The following DLG2 variants were observed in gnomAD, a reference collection of about 807,000 sequenced individuals.
The protein encoded by DLG2 is discs large MAGUK scaffold protein 2, also known as disks large homolog 2.
DLG2 carries 45 observed loss-of-function variants against 132.5 expected under a neutral mutation model. The ratio of observed to expected loss-of-function variants is 0.34; its 90% CI spans 0.27 to 0.44. DLG2 has a LOEUF of 0.44. DLG2 is among the 20% of genes least tolerant of loss of function. DLG2 has a pLI of 1.00. For missense variants in DLG2, 1,045 were observed against 1,196.9 expected, an observed-to-expected ratio of 0.87 and a Z score of 1.87; for synonymous variants, 424 against 419.6, an observed-to-expected ratio of 1.01 and a Z score of -0.13.
chr11:84,143,201 C>T (rs992970892), intron 9 of DLG2, among the ~76,000 whole-genome samples: 3 of 152,032 alleles, frequency 2.0e-5, no homozygotes, highest in Non-Finnish European at 4.4e-5. Flanking sequence ...AAGGTAGGCA[C>T]ATGTGAACAC....
At chr11:83,751,135 A>G (rs538623725) in intron 18 of DLG2, among the ~76,000 whole-genome samples, 1 of 152,232 alleles carries the variant, frequency 6.6e-6, no homozygotes, top group African/African-American at 2.4e-5. Context: ...AAAAGTTCTC[A>G]TGTGGAAGCT....
At chr11:85,025,329 C>T (rs1592870529) in intron 6 of DLG2, among the ~76,000 whole-genome samples, 1 of 152,310 alleles carries the variant, frequency 6.6e-6, no homozygotes, top group Non-Finnish European at 1.5e-5. Context: ...TGGCCTCAGG[C>T]TCTGACCAGA....
intron 6 of DLG2, among the ~76,000 whole-genome samples, chr11:84,740,392 A>C (rs2064442442): frequency 6.6e-6 from 1 of 152,128 alleles, no homozygotes; most frequent in Non-Finnish European, 1.5e-5. Flanking sequence ...GAAGAACCCC[A>C]CAGTTCTTCC....
intron 7 of DLG2, among the ~76,000 whole-genome samples, chr11:84,426,114 T>C (rs1030057309): frequency 1.3e-5 from 2 of 152,134 alleles, no homozygotes; most frequent in African/African-American, 4.8e-5. Context: ...AAGAGGAACT[T>C]AGCAGGTACT....
chr11:85,330,879 A>C (rs2081680901), intron 3 of DLG2, among the ~76,000 whole-genome samples: 1 of 151,960 alleles, frequency 6.6e-6, no homozygotes, highest in Non-Finnish European at 1.5e-5. Flanking sequence ...CTCATACATA[A>C]ACCCTTACTT....
At chr11:84,779,652 A>C (rs1005651111) in intron 6 of DLG2, among the ~76,000 whole-genome samples, 3 of 152,144 alleles carry the variant, frequency 2.0e-5, no homozygotes, top group Admixed American at 1.3e-4. Flanking sequence ...AACCAAGAGG[A>C]GAGAATAACC....
intron 6 of DLG2, among the ~76,000 whole-genome samples, chr11:85,073,414 T>C (rs905450903): frequency 6.6e-6 from 1 of 151,870 alleles, no homozygotes; most frequent in Non-Finnish European, 1.5e-5. Flanking sequence ...AAAATTGAAA[T>C]ACAAATATCC....
At chr11:85,094,606 G>A (rs2069413054) in intron 6 of DLG2, among the ~76,000 whole-genome samples, 1 of 152,188 alleles carries the variant, frequency 6.6e-6, no homozygotes, top group Non-Finnish European at 1.5e-5. Context: ...CTGCTAGCTT[G>A]CAACTTTTCC....
rs138179894 is a variant in DLG2 at position 84,703,718 on chromosome 11, T to C, written c.358-168987A>G. Among the ~76,000 whole-genome samples, 30 of 151,226 alleles carry C rather than the reference T, an allele frequency of 2.0e-4. 1 individual carries two copies. The East Asian group carries it at 4.7e-3, about 24-fold the overall frequency. On this transcript the variant is annotated intron_variant, in intron 6 of 27. Coordinates refer to ENST00000376104, the MANE Select transcript of DLG2 (RefSeq NM_001142699.3). ...TAAGCAAACTAGCCAAATCTTCAAT[T>C]TTGAAGATATTCTCAGTGAAAGTGT...
chr11:84,911,340 G>A (rs1169001991), intron 6 of DLG2, among the ~76,000 whole-genome samples: 1 of 151,594 alleles, frequency 6.6e-6, no homozygotes, highest in Non-Finnish European at 1.5e-5. Context: ...AACCTATCAA[G>A]TTTTTTACAA....
At chr11:85,367,976 T>G (rs1247513336) in intron 3 of DLG2, among the ~76,000 whole-genome samples, 2 of 152,174 alleles carry the variant, frequency 1.3e-5, no homozygotes, top group Non-Finnish European at 2.9e-5. Flanking sequence ...TGTATTTTCT[T>G]TTAGTGTTCA....
intron 17 of DLG2, among the ~76,000 whole-genome samples, chr11:83,789,734 G>A (rs889595864): frequency 6.6e-6 from 1 of 152,186 alleles, no homozygotes; most frequent in Non-Finnish European, 1.5e-5. Flanking sequence ...TTTTAGCAGA[G>A]ATGGGGTTTC....
chr11:84,596,879 T>A (rs1329462160), intron 6 of DLG2, among the ~76,000 whole-genome samples: 1 of 152,182 alleles, frequency 6.6e-6, no homozygotes, highest in Non-Finnish European at 1.5e-5. Context: ...ATGTTATGCA[T>A]CAGGCACTAT....
Position 85,087,164 on chromosome 11 carries a change from C to T in DLG2, c.357+24497G>A, listed in dbSNP as rs75060917. 9.9e-3 allele frequency among the ~76,000 whole-genome samples: 1,503 copies of T among 152,186 alleles called. 10 individuals are homozygous for T. The highest frequency in any genetic ancestry group is 0.016 in the Non-Finnish European group (1,063 of 68,002). Reference sequence around the variant, plus strand: ...ATATAGTGAACAGAATAGACAAATTCCTGGCCATTACAGAGCTTACAACCT... The same window carrying T: ...ATATAGTGAACAGAATAGACAAATTTCTGGCCATTACAGAGCTTACAACCT... On this transcript the variant is annotated intron_variant, in intron 6 of 27. Coordinates refer to ENST00000376104, the MANE Select transcript of DLG2 (RefSeq NM_001142699.3).
chr11:84,921,780 C>T (rs1035668746), intron 6 of DLG2, among the ~76,000 whole-genome samples: 1 of 152,130 alleles, frequency 6.6e-6, no homozygotes, highest in African/African-American at 2.4e-5. Flanking sequence ...TACTTTGGAA[C>T]AGAAGATGAT....
intron 3 of DLG2, among the ~76,000 whole-genome samples, chr11:85,313,137 A>G (rs1273676345): frequency 2.0e-5 from 3 of 151,960 alleles, no homozygotes; most frequent in Admixed American, 2.0e-4. Context: ...GAAAGAAAAA[A>G]ATAAATTTTT....
intron 9 of DLG2, among the ~76,000 whole-genome samples, chr11:84,131,459 G>A (rs966357827): frequency 1.3e-5 from 2 of 151,938 alleles, no homozygotes; most frequent in Non-Finnish European, 2.9e-5. Context: ...CTATTTTTTC[G>A]TGTTCCTACC....
intron 3 of DLG2, among the ~76,000 whole-genome samples, chr11:85,417,686 T>A (rs1409262025): frequency 6.6e-6 from 1 of 152,218 alleles, no homozygotes; most frequent in Non-Finnish European, 1.5e-5. Flanking sequence ...GGTGTATGTG[T>A]CCAGGAATTT....
chr11:84,226,405 A>G (rs1293446751), intron 8 of DLG2, among the ~76,000 whole-genome samples: 2 of 152,214 alleles, frequency 1.3e-5, no homozygotes, highest in African/African-American at 2.4e-5. Context: ...AAGTTTTAAG[A>G]AAGTTAATTG....
Sources: gnomAD v4.1 joint callset for allele counts (sites outside exome capture counted in the v4.1 genomes callset) on GRCh38, gnomAD v4.1.1 for gene constraint, MANE v1.5 for transcripts, NCBI Gene and HGNC (gene_info 2026-07-23, HGNC 2026-07-21) for gene names.